The following KCNIP4 variants were observed in gnomAD, a reference collection of about 807,000 sequenced individuals.
KCNIP4 encodes the protein Kv channel-interacting protein 4.
KCNIP4 carries 12 observed loss-of-function variants against 34.0 expected under a neutral mutation model. The observed-to-expected ratio is 0.35, with a 90% confidence interval of 0.23 to 0.57. KCNIP4 has a LOEUF of 0.57. KCNIP4 is among the 20% of genes least tolerant of loss of function. The pLI is 0.83. For missense variants in KCNIP4, 238 were observed against 311.7 expected (o/e 0.76, Z 1.78); for synonymous variants, 124 against 102.2 (o/e 1.21, Z -1.29).
At chr4:21,629,593 G>A (rs1487479384) in intron 1 of KCNIP4, among the ~76,000 whole-genome samples, 1 of 152,114 alleles carries the variant, frequency 6.6e-6, no homozygotes, top group East Asian at 1.9e-4. Flanking sequence ...CCCTTTATGA[G>A]ATATTAAAAC....
chr4:20,958,097 G>T (rs1490710933), intron 1 of KCNIP4, among the ~76,000 whole-genome samples: 1 of 152,190 alleles, frequency 6.6e-6, no homozygotes, highest in Non-Finnish European at 1.5e-5. Flanking sequence ...TACTACCTGG[G>T]TCTCTTGTTT....
intron 1 of KCNIP4, among the ~76,000 whole-genome samples, chr4:21,135,155 C>T (rs941798664): frequency 6.6e-6 from 1 of 152,214 alleles, no homozygotes; most frequent in East Asian, 1.9e-4. Context: ...TGGTCAGGTT[C>T]ACCAGACTGC....
chr4:21,840,746 C>T (rs1332856482), intron 1 of KCNIP4, among the ~76,000 whole-genome samples: 1 of 152,118 alleles, frequency 6.6e-6, no homozygotes, highest in Non-Finnish European at 1.5e-5. Flanking sequence ...ACATAAAATG[C>T]CCAGAATTCA....
At chr4:20,984,538 G>GA (rs1448236042) in intron 1 of KCNIP4, among the ~76,000 whole-genome samples, 1 of 152,156 alleles carries the variant, frequency 6.6e-6, no homozygotes, top group East Asian at 1.9e-4. Context: ...TGGAAGTCTA[G>GA]AGGCAGCTTT....
rs935024111 is a variant in KCNIP4, at chr4:20,754,876, A to G, written c.358+3945T>C. On this transcript the variant is annotated intron_variant, in intron 4 of 8. Transcript: ENST00000382152. ...CTTGATTTGAAATGATTGAAAAATA[A>G]CTTAAAGATTTTCATCTGCATTGGT... Among the ~76,000 whole-genome samples, 11 of 152,158 alleles carry G rather than the reference A, an allele frequency of 7.2e-5. No individual in the cohort carries two copies. The South Asian group carries it at 2.3e-3, about 31-fold the overall frequency.
chr4:21,757,151 GAAA>G (rs1717617747), intron 1 of KCNIP4, among the ~76,000 whole-genome samples: 3 of 27,804 alleles, frequency 1.1e-4, no homozygotes, highest in African/African-American at 4.9e-4. Flanking sequence ...AAGAAAGAAA[GAAA>G]GAAAGAAAGA....
chr4:20,735,022 G>C (rs893263861), intron 5 of KCNIP4, among the ~76,000 whole-genome samples: 47 of 152,140 alleles, frequency 3.1e-4, no homozygotes, highest in Admixed American at 1.3e-4. Context: ...AGTGGTATTG[G>C]CTTTCCACTG....
At chr4:21,266,134 TC>T (rs1761792800) in intron 1 of KCNIP4, among the ~76,000 whole-genome samples, 1 of 152,136 alleles carries the variant, frequency 6.6e-6, no homozygotes, top group African/African-American at 2.4e-5. Flanking sequence ...AAAACCCAAG[TC>T]TTTCCACATG....
chr4:20,979,282 C>A (rs545611046), intron 1 of KCNIP4, among the ~76,000 whole-genome samples: 3 of 152,162 alleles, frequency 2.0e-5, no homozygotes, highest in African/African-American at 7.2e-5. Context: ...AAACTGGAAA[C>A]GGACAGTTCT....
intron 1 of KCNIP4, among the ~76,000 whole-genome samples, chr4:21,192,865 G>C (rs1375292353): frequency 6.6e-6 from 1 of 151,148 alleles, no homozygotes; most frequent in Non-Finnish European, 1.5e-5. Context: ...AGACCAACTT[G>C]GGTAACATAA....
rs527246123 is a variant in KCNIP4, at chr4:21,424,175, G to A, written c.61+524396C>T. Among the ~76,000 whole-genome samples the A allele has an allele frequency of 1.6e-3, 241 of 152,112 alleles. 1 individual carries two copies. The highest frequency in any genetic ancestry group is 3.9e-3 in the Admixed American group (59 of 15,260). ...TTTCCCAAGACTTGATGGAGGATGG[G>A]TAAAGGGATGCATAAAAGCACATTT... On this transcript the variant is annotated intron_variant, in intron 1 of 8. Coordinates refer to ENST00000382152, the MANE Select transcript of KCNIP4 (RefSeq NM_025221.6).
At chr4:21,678,374 C>G (rs2109020102) in intron 1 of KCNIP4, among the ~76,000 whole-genome samples, 2 of 140,118 alleles carry the variant, frequency 1.4e-5, no homozygotes, top group African/African-American at 5.3e-5. Context: ...ATGGACCATG[C>G]AAAAAAACAG....
chr4:21,346,713 AT>A (rs2109362537), intron 1 of KCNIP4, among the ~76,000 whole-genome samples: 1 of 152,218 alleles, frequency 6.6e-6, no homozygotes, highest in East Asian at 1.9e-4. Context: ...TAAAACATGG[AT>A]TCTGATGGGA....
In KCNIP4 at chr4:21,410,121, T is replaced by C. The variant is rs1400697645; in HGVS notation, c.62-527412A>G. 2.0e-4 allele frequency among the ~76,000 whole-genome samples: 30 copies of C among 152,158 alleles called. 1 individual carries two copies. Among genetic ancestry groups the C allele is most frequent in the Non-Finnish European group, 1.5e-5 (1 of 68,030 alleles). ...TAGAAAGACATGGAAAATAATAGTA[T>C]ACTTACTATATTTTGTTCAAATTAA... On this transcript the variant is annotated intron_variant, in intron 1 of 8. Transcript: ENST00000382152.
chr4:20,944,827 C>T (rs1250311418), intron 1 of KCNIP4, among the ~76,000 whole-genome samples: 1 of 151,626 alleles, frequency 6.6e-6, no homozygotes, highest in Non-Finnish European at 1.5e-5. Context: ...AAAAATGCCA[C>T]CTACATCTGG....
chr4:20,864,460 TC>T, intron 2 of KCNIP4, among the ~76,000 whole-genome samples: 1 of 152,016 alleles, frequency 6.6e-6, no homozygotes, highest in South Asian at 2.1e-4. Context: ...AATGCTATAT[TC>T]TTGTTCTGTA....
chr4:21,447,777 A>G (rs1401168428), intron 1 of KCNIP4, among the ~76,000 whole-genome samples: 1 of 151,790 alleles, frequency 6.6e-6, no homozygotes, highest in African/African-American at 2.4e-5. Flanking sequence ...TTTTCTTGTG[A>G]TCTGCTGACC....
At chr4:21,922,239 T>C (rs1728976954) in intron 1 of KCNIP4, among the ~76,000 whole-genome samples, 1 of 152,174 alleles carries the variant, frequency 6.6e-6, no homozygotes, top group Admixed American at 6.6e-5. Flanking sequence ...GCCACCCTAC[T>C]GCTCTTGGCC....
chr4:21,757,069 C>T (rs184464766), intron 1 of KCNIP4, among the ~76,000 whole-genome samples: 9 of 147,280 alleles, frequency 6.1e-5, no homozygotes, highest in Non-Finnish European at 7.4e-5. Flanking sequence ...CCACTGCACT[C>T]CAGCCTGAGC....
Sources: gnomAD v4.1 joint callset for allele counts (sites outside exome capture counted in the v4.1 genomes callset) on GRCh38, gnomAD v4.1.1 for gene constraint, MANE v1.5 for transcripts, NCBI Gene and HGNC (gene_info 2026-07-23, HGNC 2026-07-21) for gene names.